The following NFATC2 variants were observed in gnomAD, a reference collection of about 807,000 sequenced individuals.
NFATC2 encodes nuclear factor of activated T-cells, cytoplasmic 2.
In NFATC2, 22 loss-of-function variants were observed where a neutral mutation model predicts 87.3. That is an observed-to-expected ratio of 0.25 (90% CI 0.18 to 0.36). The LOEUF (loss-of-function observed/expected upper bound fraction) is 0.36. Among genes scored for constraint, NFATC2 ranks in the 10% least tolerant of loss-of-function variants. The pLI is 1.00. For missense variants in NFATC2, 1,149 were observed against 1,259.1 expected (o/e 0.91, Z 1.32); for synonymous variants, 565 against 542.2 (o/e 1.04, Z -0.58).
intron 3 of NFATC2, among the ~76,000 whole-genome samples, chr20:51,497,188 C>T (rs1412873908): frequency 6.6e-6 from 1 of 152,206 alleles, no homozygotes; most frequent in Non-Finnish European, 1.5e-5. Flanking sequence ...AACCAGGCAC[C>T]CTCCGAGGCT....
intron 10 of NFATC2, among the ~76,000 whole-genome samples, chr20:51,393,944 T>A (rs962185162): frequency 9.2e-5 from 14 of 152,118 alleles, no homozygotes; most frequent in African/African-American, 3.4e-4. Flanking sequence ...GGCAGAAGCA[T>A]GTTTCCCTCT....
intron 1 of NFATC2, among the ~76,000 whole-genome samples, chr20:51,551,982 A>G (rs1213613731): frequency 1.3e-5 from 2 of 151,680 alleles, no homozygotes; most frequent in South Asian, 2.1e-4. Flanking sequence ...AGCTGAGATC[A>G]CGCCACTGCA....
intron 2 of NFATC2, among the ~76,000 whole-genome samples, chr20:51,517,226 G>A (rs1207470644): frequency 6.6e-6 from 1 of 152,104 alleles, no homozygotes; most frequent in African/African-American, 2.4e-5. Flanking sequence ...GAATACTGTA[G>A]GCAATGGTAA....
intron 2 of NFATC2, among the ~76,000 whole-genome samples, chr20:51,517,299 C>G (rs2076367316): frequency 6.6e-6 from 1 of 152,068 alleles, no homozygotes; most frequent in African/African-American, 2.4e-5. Context: ...ACTAAAAATA[C>G]AGTATTATGG....
upstream of NFATC2, chr20:51,562,740 C>A: frequency 9.1e-7 from 1 of 1,097,806 alleles, no homozygotes; most frequent in Non-Finnish European, 1.3e-6. This position sits in a 1 kb window ranked among gnomAD's most constrained non-coding sequence, Gnocchi z 5.8. Flanking sequence ...GCTGCCCTGG[C>A]CGAGGAGCCT....
At chr20:51,554,094 A>G (rs6013213) in intron 1 of NFATC2, among the ~76,000 whole-genome samples, 79,538 of 151,804 alleles carry the variant, frequency 0.52, 21,392 homozygotes, top group Admixed American at 0.66. Context: ...GGTACCCGTC[A>G]TCAGCTCCCA....
In NFATC2 at chr20:51,480,331, G is replaced by A. The variant is rs1165394368; in HGVS notation, c.1333-4671C>T. On this transcript the variant is annotated intron_variant, in intron 3 of 10. Transcript: ENST00000371564. This position sits in a 1 kb window ranked among gnomAD's most constrained non-coding sequence, Gnocchi z 4.2. ...TTCCTGCCGCACAGGAGAGAGAGTG[G>A]GGCAGGAAGGAGGGAGAAAAGAAGG... Among the ~76,000 whole-genome samples, 3 of 152,100 alleles carry A rather than the reference G, an allele frequency of 2.0e-5. No individual in the cohort carries two copies. The highest frequency in any genetic ancestry group is 2.9e-5 in the Non-Finnish European group (2 of 68,022).
At chr20:51,395,161 T>C (rs772610997) in intron 10 of NFATC2, among the ~76,000 whole-genome samples, 2 of 152,182 alleles carry the variant, frequency 1.3e-5, no homozygotes, top group African/African-American at 4.8e-5. Context: ...TGCCAGGCCC[T>C]ATACAGTGCC....
At chr20:51,427,274 A>T (rs1981973566) in intron 9 of NFATC2, among the ~76,000 whole-genome samples, 1 of 152,084 alleles carries the variant, frequency 6.6e-6, no homozygotes, top group East Asian at 1.9e-4. Flanking sequence ...AGAATGCACC[A>T]CAGAGCGCTA....
At chr20:51,395,324 G>A (rs1371020962) in intron 10 of NFATC2, among the ~76,000 whole-genome samples, 1 of 49,912 alleles carries the variant, frequency 2.0e-5, no homozygotes, top group African/African-American at 1.1e-4. Context: ...TAACTTGTAT[G>A]GTATTGATCC....
At chr20:51,438,602 G>C (rs1983905994) in intron 6 of NFATC2, among the ~76,000 whole-genome samples, 1 of 152,190 alleles carries the variant, frequency 6.6e-6, no homozygotes, top group South Asian at 2.1e-4. Flanking sequence ...AGATGAAACA[G>C]AAAATACAAA....
chr20:51,509,226 T>A (rs565047908), intron 3 of NFATC2, among the ~76,000 whole-genome samples: 2 of 152,158 alleles, frequency 1.3e-5, no homozygotes, highest in Non-Finnish European at 2.9e-5. Flanking sequence ...GTTTTCCCCA[T>A]AGGACTTATC....
intron 1 of NFATC2, among the ~76,000 whole-genome samples, chr20:51,532,353 AGGAAAGAGGTGATTTCCT>A (rs1372271896): frequency 6.6e-6 from 1 of 152,024 alleles, no homozygotes; most frequent in Non-Finnish European, 1.5e-5. Context: ...CCTGCATCTC[AGGAAAGAGGTGATTTCCT>A]GGATGGCGAC....
At chr20:51,508,426 C>A (rs902515205) in intron 3 of NFATC2, among the ~76,000 whole-genome samples, 3 of 152,150 alleles carry the variant, frequency 2.0e-5, no homozygotes, top group Non-Finnish European at 4.4e-5. Flanking sequence ...GAGAGCAGTG[C>A]CACAACTGGC....
intron 3 of NFATC2, among the ~76,000 whole-genome samples, chr20:51,488,623 T>G (rs901101397): frequency 6.6e-6 from 1 of 152,124 alleles, no homozygotes; most frequent in Non-Finnish European, 1.5e-5. Flanking sequence ...ACTGAAACCC[T>G]ATCCCTTGTC....
chr20:51,501,152 C>CT (rs2076083890), intron 3 of NFATC2, among the ~76,000 whole-genome samples: 1 of 151,936 alleles, frequency 6.6e-6, no homozygotes, highest in Non-Finnish European at 1.5e-5. Context: ...TTTCATGCAG[C>CT]TTCACAGCAG....
At chr20:51,463,372 C>T (rs1237853708) in intron 5 of NFATC2, among the ~76,000 whole-genome samples, 1 of 152,160 alleles carries the variant, frequency 6.6e-6, no homozygotes, top group African/African-American at 2.4e-5. Context: ...CTGTGGGCCT[C>T]GGTGGCGGGG....
chr20:51,446,600 G>A (rs1600749223), intron 6 of NFATC2, among the ~76,000 whole-genome samples: 3 of 152,300 alleles, frequency 2.0e-5, no homozygotes, highest in Admixed American at 2.0e-4. Flanking sequence ...ATTTCTCTGT[G>A]GCCTCCTTCA....
chr20:51,432,956 G>C lies in NFATC2; in HGVS notation c.2033-200C>G, dbSNP rs1488799148. Among the ~76,000 whole-genome samples, 1 of 152,114 alleles carries C rather than the reference G, an allele frequency of 6.6e-6. No individual in the cohort carries two copies. The highest frequency in any genetic ancestry group is 2.1e-4 in the South Asian group (1 of 4,820). On this transcript the variant is annotated intron_variant, in intron 8 of 10. Transcript: ENST00000371564. The surrounding 1 kb of genome is among the most constrained non-coding windows in gnomAD (Gnocchi z 4.6). Reference sequence around the variant, plus strand: ...AGGTAGGAAATTTTACCCTGGCCATGAACATCTTGAATTATAGATTTTTCC... The same window carrying C: ...AGGTAGGAAATTTTACCCTGGCCATCAACATCTTGAATTATAGATTTTTCC...
Sources: gnomAD v4.1 joint callset for allele counts (sites outside exome capture counted in the v4.1 genomes callset) on GRCh38, gnomAD v4.1.1 for gene constraint, Gnocchi (gnomAD v3.1) non-coding constraint, MANE v1.5 for transcripts, NCBI Gene and HGNC (gene_info 2026-07-23, HGNC 2026-07-21) for gene names.